Variants in MEIS1 observed in about 807,000 individuals in gnomAD.
MEIS1 encodes the protein homeobox protein Meis1.
MEIS1 carries 5 observed loss-of-function variants against 50.8 expected under a neutral mutation model. The observed-to-expected ratio is 0.10, with a 90% CI of 0.05 to 0.21. MEIS1 has a LOEUF of 0.21. MEIS1 is among the 10% of genes least tolerant of loss of function. MEIS1 has a pLI of 1.00. For synonymous variants in MEIS1, 176 were observed against 179.3 expected, an observed-to-expected ratio of 0.98 and a Z score of 0.15; for missense variants, 318 against 517.3, an observed-to-expected ratio of 0.61 and a Z score of 3.74.
chr2:66,490,256 A>G (rs1481663114), intron 7 of MEIS1, among the ~76,000 whole-genome samples: 1 of 152,236 alleles, frequency 6.6e-6, no homozygotes, highest in Admixed American at 6.5e-5. Context: ...TCCAATGTGC[A>G]TAGCGCATTT....
chr2:66,475,720 A>G (rs1672877995), intron 7 of MEIS1, among the ~76,000 whole-genome samples: 1 of 152,244 alleles, frequency 6.6e-6, no homozygotes, highest in Admixed American at 6.5e-5. Flanking sequence ...GTCCAGGGAG[A>G]TGGCAGAGGC....
intron 7 of MEIS1, among the ~76,000 whole-genome samples, chr2:66,475,133 T>C (rs1021145922): frequency 8.8e-5 from 11 of 124,460 alleles, no homozygotes; most frequent in African/African-American, 4.6e-4. Flanking sequence ...CATATATATA[T>C]ACACATATAT....
intron 6 of MEIS1, chr2:66,462,001 A>T: frequency 4.9e-6 from 2 of 409,596 alleles, no homozygotes; most frequent in Middle Eastern, 3.6e-4. Flanking sequence ...ACAATTAAGC[A>T]TTGAATTAAT....
intron 10 of MEIS1, 158 bp from the exon 11 acceptor site, chr2:66,568,509 C>CTCGT: frequency 1.8e-6 from 1 of 546,536 alleles, no homozygotes. Flanking sequence ...GTGTGTAGAT[C>CTCGT]TAGTCTGAGA....
At chr2:66,529,097 T>G (rs1674327455) in intron 8 of MEIS1, among the ~76,000 whole-genome samples, 1 of 152,090 alleles carries the variant, frequency 6.6e-6, no homozygotes, top group Non-Finnish European at 1.5e-5. Flanking sequence ...TGTCACTGCT[T>G]GGGGAAGCCA....
chr2:66,441,505 C>A (rs1671981114), intron 5 of MEIS1, 41 bp downstream of exon 5: 5 of 1,477,920 alleles, frequency 3.4e-6, no homozygotes, highest in African/African-American at 2.9e-5. Flanking sequence ...TACCCCTTAC[C>A]CCCAAACACA....
intron 6 of MEIS1, among the ~76,000 whole-genome samples, chr2:66,453,873 A>C (rs1672330648): frequency 6.6e-6 from 1 of 151,796 alleles, no homozygotes; most frequent in Middle Eastern, 3.2e-3. Flanking sequence ...CTGGCTCGAG[A>C]GTTTAGAAGT....
chr2:66,528,126 T>C (rs1400328401), intron 8 of MEIS1, among the ~76,000 whole-genome samples: 1 of 152,068 alleles, frequency 6.6e-6, no homozygotes, highest in African/African-American at 2.4e-5. Context: ...ACCTCATAAA[T>C]AGAAACATTC....
chr2:66,530,088 C>G (rs1300595061), intron 8 of MEIS1, among the ~76,000 whole-genome samples: 1 of 151,300 alleles, frequency 6.6e-6, no homozygotes, highest in Non-Finnish European at 1.5e-5. Context: ...GATCTTTTAG[C>G]AGGCTGGAGG....
At chr2:66,510,080 C>T (rs1015573772) in intron 7 of MEIS1, among the ~76,000 whole-genome samples, 1 of 152,012 alleles carries the variant, frequency 6.6e-6, no homozygotes, top group Non-Finnish European at 1.5e-5. Flanking sequence ...GTGTCTTTTC[C>T]TTGGTTACCT....
At chr2:66,491,356 A>G (rs1313659517) in intron 7 of MEIS1, among the ~76,000 whole-genome samples, 5 of 152,194 alleles carry the variant, frequency 3.3e-5, no homozygotes, top group Non-Finnish European at 5.9e-5. Flanking sequence ...TGCCCTTTCA[A>G]TTGCAGGTTA....
intron 9 of MEIS1, among the ~76,000 whole-genome samples, chr2:66,563,658 G>T (rs182583786): frequency 7.6e-4 from 116 of 152,264 alleles, no homozygotes; most frequent in Middle Eastern, 3.4e-3. Flanking sequence ...GGGCATTTTA[G>T]AAACAAACAG....
intron 6 of MEIS1, among the ~76,000 whole-genome samples, chr2:66,448,555 T>G (rs1672204402): frequency 6.6e-6 from 1 of 152,184 alleles, no homozygotes; most frequent in African/African-American, 2.4e-5. Flanking sequence ...TTGCCATAAA[T>G]GAAAATACTG....
intron 6 of MEIS1, among the ~76,000 whole-genome samples, chr2:66,454,553 T>C (rs1672344586): frequency 6.6e-6 from 1 of 152,122 alleles, no homozygotes; most frequent in South Asian, 2.1e-4. Context: ...TTCGGGATGT[T>C]ATTATCTACT....
At chr2:66,506,658 G>A (rs1673691205) in intron 7 of MEIS1, among the ~76,000 whole-genome samples, 1 of 152,096 alleles carries the variant, frequency 6.6e-6, no homozygotes, top group Admixed American at 6.6e-5. Flanking sequence ...AATCATTCTG[G>A]CAGCTATTAT....
chr2:66,546,355 C>T (rs1289929104), intron 8 of MEIS1, among the ~76,000 whole-genome samples: 7 of 152,082 alleles, frequency 4.6e-5, no homozygotes, highest in Admixed American at 2.0e-4. Context: ...AAGAAGGTAT[C>T]AAAATCTGAG....
chr2:66,517,304 A>G (rs1366228633), intron 8 of MEIS1, among the ~76,000 whole-genome samples: 2 of 152,164 alleles, frequency 1.3e-5, no homozygotes, highest in Non-Finnish European at 2.9e-5. Context: ...GAGACAAGGG[A>G]AGTGGCTTGT....
intron 8 of MEIS1, among the ~76,000 whole-genome samples, chr2:66,527,838 C>A (rs1674294497): frequency 6.6e-6 from 1 of 152,100 alleles, no homozygotes; most frequent in Admixed American, 6.5e-5. Flanking sequence ...TAGGCCACAT[C>A]TAACTTATCT....
At position 66,562,943 on chromosome 2, in the gene MEIS1, A is replaced by G. The variant is rs186425279; in HGVS notation, c.966-4510A>G. 3.4e-4 allele frequency among the ~76,000 whole-genome samples: 52 copies of G among 152,336 alleles called. 1 individual carries two copies. The highest frequency in any genetic ancestry group is 3.3e-3 in the Admixed American group (51 of 15,302). ...TCGAATGTAAATGAAAAAGCAAACG[A>G]GACATTTTCTAACCTTAAAGCATAC... On this transcript the variant is annotated intron_variant, in intron 9 of 12. Coordinates refer to ENST00000272369, the MANE Select transcript of MEIS1 (RefSeq NM_002398.3).
Sources: gnomAD v4.1 joint callset for allele counts (sites outside exome capture counted in the v4.1 genomes callset) on GRCh38, gnomAD v4.1.1 for gene constraint, MANE v1.5 for transcripts, NCBI Gene and HGNC (gene_info 2026-07-23, HGNC 2026-07-21) for gene names.